SCIMP: variants seen among roughly 807,000 people sequenced by gnomAD.
The protein encoded by SCIMP is SLP adaptor and CSK interacting membrane protein.
Under a neutral mutation model 22.0 loss-of-function variants are expected in SCIMP, and 18 were observed. The observed-to-expected ratio is 0.82, with a 90% CI of 0.56 to 1.21. The LOEUF (loss-of-function observed/expected upper bound fraction) is 1.21. Among genes scored for constraint, SCIMP ranks in the 50% most tolerant of loss-of-function variants. The probability of loss-of-function intolerance (pLI) is 0.00; values close to 1 mark genes in which losing one functional copy is unlikely to be tolerated. For synonymous variants in SCIMP, 53 were observed against 62.2 expected, an observed-to-expected ratio of 0.85 and a Z score of 0.70; for missense variants, 155 against 171.2, an observed-to-expected ratio of 0.91 and a Z score of 0.53.
intron 1 of SCIMP, among the ~76,000 whole-genome samples, chr17:5,227,745 C>G (rs117642383): frequency 0.055 from 8,436 of 152,278 alleles, 304 homozygotes; most frequent in East Asian, 0.16. Flanking sequence ...CAGTCCCCAT[C>G]CCCCATTCCC....
At chr17:5,231,807 C>A (rs919383147) in intron 1 of SCIMP, among the ~76,000 whole-genome samples, 1 of 152,240 alleles carries the variant, frequency 6.6e-6, no homozygotes, top group East Asian at 1.9e-4. Flanking sequence ...GTAATCCCAG[C>A]ACTTTGGGAG....
intron 4 of SCIMP, chr17:5,213,894 A>T (rs1171971020): frequency 1.3e-5 from 2 of 152,176 alleles, no homozygotes; most frequent in Non-Finnish European, 2.9e-5. Context: ...CTAGTGTTAC[A>T]GACTGAATGT....
At chr17:5,226,768 C>T (rs1180600111) in intron 1 of SCIMP, among the ~76,000 whole-genome samples, 1 of 152,086 alleles carries the variant, frequency 6.6e-6, no homozygotes, top group Non-Finnish European at 1.5e-5. Context: ...CTCAGCCTCC[C>T]AAAGTGCTGG....
At chr17:5,234,401 A>G (rs980640895) in intron 1 of SCIMP, among the ~76,000 whole-genome samples, 1 of 151,748 alleles carries the variant, frequency 6.6e-6, no homozygotes, top group African/African-American at 2.4e-5. Flanking sequence ...AGAAAGTGAG[A>G]GTAACTCGTT....
At chr17:5,212,544 C>T (rs111842955) in intron 4 of SCIMP, among the ~76,000 whole-genome samples, 9,079 of 152,104 alleles carry the variant, frequency 0.06, 899 homozygotes, top group African/African-American at 0.21. Context: ...TGAGGCAGGA[C>T]AATGGCATGA....
In SCIMP at chr17:5,209,133, T is replaced by C. The variant is rs1256313322; in HGVS notation, c.*1668A>G. On this transcript the variant is annotated 3_prime_UTR_variant, in exon 5 of 5. Transcript: ENST00000574081. ...CCTAACATAAGGAGGGTTTATTTAT[T>C]TATTTATTTATTTATTTTTAGATGG... 1 of 152,072 alleles carries C rather than the reference T, an allele frequency of 6.6e-6. No homozygotes were observed. Among genetic ancestry groups the C allele is most frequent in the Non-Finnish European group, 1.5e-5 (1 of 68,046 alleles). The allele number at this position is 152,072 out of a possible 1,614,324, so 9.4% of individuals were successfully genotyped here.
intron 2 of SCIMP, among the ~76,000 whole-genome samples, chr17:5,221,956 A>G (rs1214914054): frequency 3.3e-5 from 5 of 151,840 alleles, no homozygotes; most frequent in Admixed American, 3.3e-4. Flanking sequence ...TATTTTTAAT[A>G]GAGATGGGGG....
intron 4 of SCIMP, among the ~76,000 whole-genome samples, chr17:5,211,544 A>G (rs1010295079): frequency 2.6e-5 from 4 of 151,146 alleles, no homozygotes; most frequent in African/African-American, 9.7e-5. Context: ...AAAAGAATGG[A>G]TGAAAAGAAA....
chr17:5,227,973 G>T (rs1313493674), intron 1 of SCIMP, among the ~76,000 whole-genome samples: 2 of 152,136 alleles, frequency 1.3e-5, no homozygotes, highest in Non-Finnish European at 2.9e-5. Flanking sequence ...AGGAGTTCAA[G>T]ACCAGCCTGG....
intron 1 of SCIMP, 200 bp downstream of exon 1, chr17:5,234,535 C>G (rs1378891890): frequency 1.6e-6 from 1 of 608,208 alleles, no homozygotes; most frequent in African/African-American, 1.9e-5. Context: ...TCAGGTCACT[C>G]AGCCAGTTAC....
intron 1 of SCIMP, 50 bp from the exon 2 acceptor site, chr17:5,223,506 G>C (rs1292332975): frequency 6.2e-7 from 1 of 1,602,314 alleles, no homozygotes; most frequent in African/African-American, 1.3e-5. Context: ...AGATATCCTG[G>C]GGTTGGGTGG....
chr17:5,226,723 G>C (rs904027039), intron 1 of SCIMP, among the ~76,000 whole-genome samples: 3 of 151,856 alleles, frequency 2.0e-5, no homozygotes, highest in African/African-American at 7.3e-5. Context: ...TGGCCAGGCT[G>C]GTCTCGAACT....
At chr17:5,230,081 C>G (rs78744659) in intron 1 of SCIMP, among the ~76,000 whole-genome samples, 18,116 of 152,010 alleles carry the variant, frequency 0.12, 1,962 homozygotes, top group South Asian at 0.49. Flanking sequence ...TCCGCCCCAG[C>G]CTCCCAAAGT....
chr17:5,229,070 G>T (rs1161285452), intron 1 of SCIMP, among the ~76,000 whole-genome samples: 2 of 152,216 alleles, frequency 1.3e-5, no homozygotes. Flanking sequence ...GGGCCAAGAG[G>T]CTGGCTGGGA....
rs539054134 is a variant in SCIMP at position 5,215,544 on chromosome 17, G to T, written c.210-546C>A. Among the ~76,000 whole-genome samples, 8 of 152,244 alleles carry T rather than the reference G, an allele frequency of 5.3e-5. No homozygotes were observed. The South Asian group carries it at 1.7e-3, about 32-fold the overall frequency. ...CAGGGGAATCACTTGAACTTCGGAG[G>T]CGGAGGTTGCAGTGAGCCGAGATCA... On this transcript the variant is annotated intron_variant, in intron 3 of 4. Coordinates refer to ENST00000574081, the MANE Select transcript of SCIMP (RefSeq NM_207103.3).
chr17:5,221,106 T>C (rs912466135), intron 3 of SCIMP, 181 bp downstream of exon 3: 6 of 692,524 alleles, frequency 8.7e-6, no homozygotes, highest in African/African-American at 7.1e-5. Flanking sequence ...GGACTTGCCC[T>C]GCATCGACAA....
chr17:5,221,097 G>T, intron 3 of SCIMP, 190 bp downstream of exon 3: 1 of 691,254 alleles, frequency 1.4e-6, no homozygotes, highest in South Asian at 1.5e-5. Flanking sequence ...GAGGAGGGAG[G>T]ACTTGCCCTG....
intron 2 of SCIMP, among the ~76,000 whole-genome samples, chr17:5,222,372 T>C (rs1307672923): frequency 1.3e-5 from 2 of 151,942 alleles, no homozygotes; most frequent in Non-Finnish European, 2.9e-5. Context: ...ATTACAGGCG[T>C]GAGCCACCGC....
At chr17:5,227,292 A>AACACACACAC (rs10681110) in intron 1 of SCIMP, among the ~76,000 whole-genome samples, 5,607 of 144,218 alleles carry the variant, frequency 0.039, 277 homozygotes, top group East Asian at 0.11. Context: ...ACACACACAC[A>AACACACACAC]ACACACACAC....
Sources: allele counts gnomAD v4.1 joint callset (sites outside exome capture counted in the v4.1 genomes callset), GRCh38; gene constraint gnomAD v4.1.1; transcripts MANE v1.5; gene names NCBI Gene and HGNC (gene_info 2026-07-23, HGNC 2026-07-21).